FRMPD4: variants seen among roughly 807,000 people sequenced by gnomAD.
FRMPD4 encodes the protein FERM and PDZ domain-containing protein 4.
A neutral mutation model predicts 94.1 loss-of-function variants in FRMPD4; 22 were observed. That is an observed-to-expected ratio of 0.23 (90% CI 0.17 to 0.33). The LOEUF is 0.33. Among genes scored for constraint, FRMPD4 ranks in the 10% least tolerant of loss-of-function variants. The probability of loss-of-function intolerance (pLI) is 1.00; values close to 1 mark genes in which losing one functional copy is unlikely to be tolerated. For synonymous variants in FRMPD4, 631 were observed against 548.6 expected (o/e 1.15, Z -2.10); for missense variants, 1,111 against 1,339.9 (o/e 0.83, Z 2.67).
At chrX:11,958,267 G>C (rs1401170258) in intron 3 of FRMPD4, among the ~76,000 whole-genome samples, 3 of 111,718 alleles carry the variant, frequency 2.7e-5, no homozygotes, top group Non-Finnish European at 5.6e-5. Flanking sequence ...GTTAGGGGTG[G>C]AGGTTTTCAT....
intron 1 of FRMPD4, among the ~76,000 whole-genome samples, chrX:12,297,352 G>A (rs1031882551): frequency 1.8e-5 from 2 of 112,439 alleles, no homozygotes; most frequent in Non-Finnish European, 3.8e-5. Flanking sequence ...TGGAGGTTGG[G>A]AAGTCTAAGG....
At chrX:11,914,297 T>C (rs1365030501) in intron 3 of FRMPD4, among the ~76,000 whole-genome samples, 1 of 107,295 alleles carries the variant, frequency 9.3e-6, no homozygotes, top group African/African-American at 3.4e-5. Flanking sequence ...TTTTCTTTTT[T>C]TTTTTTTTTT....
chrX:12,314,295 T>C (rs370495171), intron 1 of FRMPD4, among the ~76,000 whole-genome samples: 21 of 112,278 alleles, frequency 1.9e-4, no homozygotes, highest in African/African-American at 6.8e-4. Flanking sequence ...TCAGGGTAAC[T>C]TGGAATCACA....
intron 3 of FRMPD4, among the ~76,000 whole-genome samples, chrX:11,929,509 G>T (rs1199504555): frequency 2.7e-5 from 3 of 112,191 alleles, no homozygotes; most frequent in Non-Finnish European, 5.6e-5. Flanking sequence ...ATATCACAAA[G>T]CTTTGTGAGC....
intron 1 of FRMPD4, among the ~76,000 whole-genome samples, chrX:11,830,224 G>A (rs1306958535): frequency 8.9e-6 from 1 of 111,741 alleles, no homozygotes; most frequent in Admixed American, 9.5e-5. Flanking sequence ...TTTCCTAAAT[G>A]AGAAAGTTGG....
chrX:12,050,671 G>T (rs190502867), intron 3 of FRMPD4, among the ~76,000 whole-genome samples: 8 of 109,273 alleles, frequency 7.3e-5, no homozygotes, highest in Non-Finnish European at 1.9e-5. Context: ...AATTTTGAGG[G>T]GTTTATTCTA....
chrX:12,633,686 G>C (rs1746161549), intron 4 of FRMPD4, among the ~76,000 whole-genome samples: 2 of 112,340 alleles, frequency 1.8e-5, no homozygotes, highest in African/African-American at 6.5e-5. Context: ...ACAAAATACA[G>C]AAGCCTGGAA....
intron 1 of FRMPD4, among the ~76,000 whole-genome samples, chrX:11,846,188 G>C (rs2147284459): frequency 9.1e-6 from 1 of 109,788 alleles, no homozygotes; most frequent in Admixed American, 9.7e-5. Context: ...AAAGTCTCAG[G>C]ATACAAAATC....
At chrX:12,590,734 G>A (rs10856499) in intron 2 of FRMPD4, among the ~76,000 whole-genome samples, 51,293 of 110,550 alleles carry the variant, frequency 0.46, 9,888 homozygotes, top group Middle Eastern at 0.65. Context: ...GAATCCAGTA[G>A]TATTCCATTC....
intron 3 of FRMPD4, among the ~76,000 whole-genome samples, chrX:12,032,859 C>G (rs2054700050): frequency 8.9e-6 from 1 of 112,008 alleles, no homozygotes; most frequent in Non-Finnish European, 1.9e-5. Flanking sequence ...CTCTGGGAAG[C>G]CTAAGATAAA....
chrX:12,703,124 A>C (rs1297033581), intron 10 of FRMPD4, among the ~76,000 whole-genome samples: 1 of 112,856 alleles, frequency 8.9e-6, no homozygotes, highest in Non-Finnish European at 1.9e-5. Context: ...CTTGAGTAAG[A>C]ATCCTGAAAA....
intron 8 of FRMPD4, among the ~76,000 whole-genome samples, chrX:12,694,110 A>G (rs2060104581): frequency 9.0e-6 from 1 of 111,694 alleles, no homozygotes; most frequent in Non-Finnish European, 1.9e-5. Context: ...CACTTTCTTA[A>G]TAAGTCCCTT....
intron 1 of FRMPD4, among the ~76,000 whole-genome samples, chrX:12,188,985 C>A (rs2056458211): frequency 9.0e-6 from 1 of 111,343 alleles, no homozygotes. Flanking sequence ...AAAGAAATTT[C>A]TTTTAAAAGC....
At chrX:11,982,487 C>T (rs2054402503) in intron 3 of FRMPD4, among the ~76,000 whole-genome samples, 1 of 111,122 alleles carries the variant, frequency 9.0e-6, no homozygotes, top group Non-Finnish European at 1.9e-5. Flanking sequence ...AATGATTTAG[C>T]ACTTCAAATA....
intron 1 of FRMPD4, among the ~76,000 whole-genome samples, chrX:12,392,029 T>C (rs769795239): frequency 4.5e-5 from 5 of 110,502 alleles, no homozygotes; most frequent in Non-Finnish European, 9.5e-5. Context: ...AAAGTTTTAA[T>C]TTTATTTATT....
intron 1 of FRMPD4, chrX:12,375,245 A>G (rs1265408002): frequency 8.9e-6 from 1 of 112,837 alleles, no homozygotes; most frequent in African/African-American, 3.2e-5. Flanking sequence ...AACAAATTCT[A>G]CTAATTTAGT....
intron 8 of FRMPD4, among the ~76,000 whole-genome samples, chrX:12,690,780 G>A (rs867767201): frequency 9.0e-6 from 1 of 111,470 alleles, no homozygotes; most frequent in African/African-American, 3.3e-5. Flanking sequence ...AGTCCTGCCC[G>A]CTATAAATAT....
intron 3 of FRMPD4, among the ~76,000 whole-genome samples, chrX:12,092,205 A>G (rs1057289625): frequency 2.7e-5 from 3 of 111,989 alleles, no homozygotes; most frequent in African/African-American, 9.7e-5. Context: ...AAACATAGAC[A>G]TAGGACTTCA....
chrX:12,103,962 T>A (rs1379965105), intron 3 of FRMPD4, among the ~76,000 whole-genome samples: 1 of 111,920 alleles, frequency 8.9e-6, no homozygotes, highest in Admixed American at 9.5e-5. Context: ...AGAAAAGACA[T>A]TTATTTCTCA....
Sources: allele counts gnomAD v4.1 joint callset (sites outside exome capture counted in the v4.1 genomes callset), GRCh38; gene constraint gnomAD v4.1.1; transcripts MANE v1.5; gene names NCBI Gene and HGNC (gene_info 2026-07-23, HGNC 2026-07-21).